The following BMPR1B variants were observed in gnomAD, a reference collection of about 807,000 sequenced individuals.
BMPR1B encodes the protein bone morphogenetic protein receptor type-1B.
BMPR1B carries 12 observed loss-of-function variants against 59.1 expected under a neutral mutation model. The ratio of observed to expected loss-of-function variants is 0.20; its 90% confidence interval spans 0.13 to 0.33. The LOEUF (loss-of-function observed/expected upper bound fraction) is 0.33, where lower values mean the gene tolerates loss of function less well. Among genes scored for constraint, BMPR1B ranks in the 10% least tolerant of loss-of-function variants. The pLI is 1.00. For synonymous variants in BMPR1B, 237 were observed against 207.3 expected, an observed-to-expected ratio of 1.14 and a Z score of -1.23; for missense variants, 550 against 610.9, an observed-to-expected ratio of 0.90 and a Z score of 1.05.
At chr4:95,124,576 A>G (rs1444313192) in intron 7 of BMPR1B, among the ~76,000 whole-genome samples, 2 of 152,008 alleles carry the variant, frequency 1.3e-5, no homozygotes, top group Non-Finnish European at 2.9e-5. Context: ...GACCTTATAT[A>G]AGAGAGTTAG....
At chr4:95,021,257 A>G (rs1723960079) in intron 3 of BMPR1B, among the ~76,000 whole-genome samples, 1 of 152,246 alleles carries the variant, frequency 6.6e-6, no homozygotes, top group Non-Finnish European at 1.5e-5. Context: ...GGAAGAAAGT[A>G]CAGTACTTAC....
intron 3 of BMPR1B, among the ~76,000 whole-genome samples, chr4:95,059,204 G>A (rs750078817): frequency 1.3e-5 from 2 of 152,114 alleles, no homozygotes; most frequent in Non-Finnish European, 2.9e-5. Flanking sequence ...TCACAAAAGA[G>A]TTCCATTGTG....
rs553171328 is a variant in BMPR1B, at chr4:94,940,848, G to A, written c.-112-55192G>A. On this transcript the variant is annotated intron_variant, in intron 2 of 12. Transcript: ENST00000515059. ...TTCATCCTTGAATTACTGGATTTTGGCATAGACTTTTAACTGGTTTCTCTG... is the reference window on the plus strand; with the variant it reads ...TTCATCCTTGAATTACTGGATTTTGACATAGACTTTTAACTGGTTTCTCTG... Among the ~76,000 whole-genome samples, 3 of 151,848 alleles carry A rather than the reference G, an allele frequency of 2.0e-5. No homozygotes were observed. In the South Asian group the frequency reaches 6.2e-4, roughly 32 times the overall value.
intron 1 of BMPR1B, among the ~76,000 whole-genome samples, chr4:94,852,328 A>T (rs965170497): frequency 1.3e-5 from 2 of 152,150 alleles, no homozygotes; most frequent in Non-Finnish European, 2.9e-5. Flanking sequence ...TAAACTGAAT[A>T]GATAGGAAAA....
At chr4:95,063,803 C>T (rs1052402248) in intron 3 of BMPR1B, among the ~76,000 whole-genome samples, 7 of 151,660 alleles carry the variant, frequency 4.6e-5, no homozygotes, top group African/African-American at 1.7e-4. Flanking sequence ...AAAAAATCTT[C>T]AAGAAGGAGA....
chr4:94,995,390 T>G (rs1721995427), intron 2 of BMPR1B, among the ~76,000 whole-genome samples: 1 of 436 alleles, frequency 2.3e-3, no homozygotes, highest in South Asian at 0.028. Flanking sequence ...GTTGACATAT[T>G]TTTTTGTGAC....
intron 2 of BMPR1B, among the ~76,000 whole-genome samples, chr4:94,882,752 A>G (rs893864220): frequency 6.6e-6 from 1 of 152,198 alleles, no homozygotes; most frequent in Admixed American, 6.5e-5. Context: ...CTTCTGCACC[A>G]TGGGATAGAA....
intron 3 of BMPR1B, among the ~76,000 whole-genome samples, chr4:95,014,950 G>A (rs912705949): frequency 6.6e-6 from 1 of 152,200 alleles, no homozygotes; most frequent in African/African-American, 2.4e-5. Flanking sequence ...AGGGTTCTGT[G>A]ATGCATGGGA....
chr4:95,109,007 A>G (rs1026191101), intron 4 of BMPR1B, among the ~76,000 whole-genome samples: 2 of 151,920 alleles, frequency 1.3e-5, no homozygotes, highest in Non-Finnish European at 2.9e-5. Context: ...AGCCTTGTTT[A>G]TATATTTTTT....
rs535980537 is a variant in BMPR1B at position 94,942,173 on chromosome 4, A to G, written c.-112-53867A>G. 2.0e-5 allele frequency among the ~76,000 whole-genome samples: 3 copies of G among 151,412 alleles called. No homozygotes were observed. In the South Asian group the frequency reaches 6.3e-4, roughly 32 times the overall value. On this transcript the variant is annotated intron_variant, in intron 2 of 12. Transcript: ENST00000515059. ...TATTTTTGGATGTGTAGATTGTGGC[A>G]AGAAATAATTTAAATGGAGTCAGAA...
chr4:94,819,318 C>T (rs1379969827), intron 1 of BMPR1B, among the ~76,000 whole-genome samples: 1 of 152,280 alleles, frequency 6.6e-6, no homozygotes, highest in East Asian at 1.9e-4. Flanking sequence ...TACAACTTCT[C>T]TTTGTGGCAT....
intron 3 of BMPR1B, among the ~76,000 whole-genome samples, chr4:95,043,751 T>G (rs2149176602): frequency 6.6e-6 from 1 of 152,290 alleles, no homozygotes; most frequent in African/African-American, 2.4e-5. Context: ...GGGCTTATTT[T>G]TTCTTTTTCG....
chr4:95,019,846 AAAATCAAAAT>A (rs1449018279), intron 3 of BMPR1B, among the ~76,000 whole-genome samples: 12 of 152,206 alleles, frequency 7.9e-5, no homozygotes. Context: ...AAGTTAGACC[AAAATCAAAAT>A]AAATCGTCCT....
intron 9 of BMPR1B, 76 bp from the exon 10 acceptor site, chr4:95,131,139 A>G: frequency 7.0e-6 from 10 of 1,427,180 alleles, no homozygotes; most frequent in Non-Finnish European, 9.7e-6. Context: ...TATGACAAAG[A>G]ATGATGTTTG....
At chr4:94,805,835 T>A (rs113800733) in intron 1 of BMPR1B, among the ~76,000 whole-genome samples, 1 of 152,130 alleles carries the variant, frequency 6.6e-6, no homozygotes, top group Non-Finnish European at 1.5e-5. Context: ...GAAATTTCCA[T>A]ATCCTAACAC....
chr4:94,824,431 T>C (rs1482970486), intron 1 of BMPR1B, among the ~76,000 whole-genome samples: 1 of 152,362 alleles, frequency 6.6e-6, no homozygotes, highest in East Asian at 1.9e-4. Flanking sequence ...GCAAGTATCT[T>C]AATCACTTAT....
chr4:95,149,471 G>GT (rs1195443578), intron 11 of BMPR1B, among the ~76,000 whole-genome samples: 5 of 152,146 alleles, frequency 3.3e-5, no homozygotes, highest in East Asian at 1.9e-4. Flanking sequence ...TTTTTATATT[G>GT]TTTTTTCTAC....
chr4:94,978,735 T>A (rs1173766886), intron 2 of BMPR1B, among the ~76,000 whole-genome samples: 2 of 152,122 alleles, frequency 1.3e-5, no homozygotes, highest in African/African-American at 4.8e-5. Flanking sequence ...GAAGAACATT[T>A]CGAATGGGAG....
chr4:95,002,235 A>G (rs577357494), intron 3 of BMPR1B, among the ~76,000 whole-genome samples: 5 of 152,274 alleles, frequency 3.3e-5, no homozygotes, highest in African/African-American at 1.2e-4. Context: ...AATACACAGT[A>G]TTTGGTTTTG....
Sources: allele counts gnomAD v4.1 joint callset (sites outside exome capture counted in the v4.1 genomes callset), GRCh38; gene constraint gnomAD v4.1.1; transcripts MANE v1.5; gene names NCBI Gene and HGNC (gene_info 2026-07-23, HGNC 2026-07-21).